DHX15: variants seen among roughly 807,000 people sequenced by gnomAD.
DHX15 encodes DEAH-box helicase 15.
Under a neutral mutation model 94.4 loss-of-function variants are expected in DHX15, and 11 were observed. That is an observed-to-expected ratio of 0.12 (90% CI 0.07 to 0.19). The LOEUF (loss-of-function observed/expected upper bound fraction) is 0.19, where lower values mean the gene tolerates loss of function less well. Ranked by LOEUF, DHX15 falls within the 10% of genes least tolerant of loss-of-function variation. The pLI is 1.00. For synonymous variants in DHX15, 338 were observed against 329.9 expected (o/e 1.02, Z -0.27); for missense variants, 304 against 988.5 (o/e 0.31, Z 9.29).
intron 3 of DHX15, among the ~76,000 whole-genome samples, chr4:24,565,328 G>A (rs376185320): frequency 1.4e-4 from 21 of 152,174 alleles, no homozygotes; most frequent in African/African-American, 4.8e-4. Flanking sequence ...TACTTCTAGG[G>A]TGACCACAGT....
chr4:24,535,813 A>G (rs2109393421), intron 11 of DHX15, among the ~76,000 whole-genome samples: 1 of 152,328 alleles, frequency 6.6e-6, no homozygotes, highest in East Asian at 1.9e-4. Context: ...TGCCAAAGTC[A>G]ACAGGCTCCC....
At chr4:24,547,286 GATCAGTCCTCAGAGTGAGCCC>G (rs1164323131) in intron 6 of DHX15, among the ~76,000 whole-genome samples, 2 of 152,350 alleles carry the variant, frequency 1.3e-5, no homozygotes, top group Non-Finnish European at 2.9e-5. Flanking sequence ...ATAAGCTCAT[GATCAGTCCTCAGAGTGAGCCC>G]ATCACCAGCT....
intron 12 of DHX15, among the ~76,000 whole-genome samples, chr4:24,531,149 C>T (rs1005758534): frequency 4.0e-5 from 6 of 150,496 alleles, no homozygotes; most frequent in Non-Finnish European, 8.8e-5. Flanking sequence ...AGTGCAGTGG[C>T]GCTATCTCGG....
At chr4:24,553,827 T>C (rs371586274) in intron 5 of DHX15, among the ~76,000 whole-genome samples, 1 of 152,262 alleles carries the variant, frequency 6.6e-6, no homozygotes, top group Non-Finnish European at 1.5e-5. Flanking sequence ...TAAAAGGCTT[T>C]TTAAAACTTT....
At chr4:24,554,213 G>A (rs747874329) in intron 5 of DHX15, among the ~76,000 whole-genome samples, 8 of 151,322 alleles carry the variant, frequency 5.3e-5, no homozygotes, top group Admixed American at 2.0e-4. Flanking sequence ...GCAAGACTCC[G>A]TCTCGAAAAA....
At chr4:24,566,713 C>CAT (rs1292418516) in intron 3 of DHX15, among the ~76,000 whole-genome samples, 6 of 152,146 alleles carry the variant, frequency 3.9e-5, no homozygotes, top group Admixed American at 3.9e-4. Flanking sequence ...GTAATCTCAG[C>CAT]TACTCGGGAG....
At chr4:24,533,125 A>G in intron 11 of DHX15, 71 bp from the exon 12 acceptor site, 1 of 1,304,166 alleles carries the variant, frequency 7.7e-7, no homozygotes, top group Non-Finnish European at 1.1e-6. Flanking sequence ...CTCTAATTAA[A>G]AAAATTGTTA....
Position 24,556,293 on chromosome 4 carries a change from C to T in DHX15, c.819G>A (p.Met273Ile). The change falls in exon 4 of 14, where the codon ATG (methionine) becomes ATA (isoleucine). Residue 273 changes from methionine (M) to isoleucine (I), a missense_variant. Transcript: ENST00000336812. ...HERTLATDIL[M>I]GVLKEVVRQR... Reference sequence around the variant, plus strand: ...GTCTTACAACTTCCTTCAGAACACCCATTAGAATATCTGTAGCCAGTGTCC... The same window carrying T: ...GTCTTACAACTTCCTTCAGAACACCTATTAGAATATCTGTAGCCAGTGTCC... The T allele has an allele frequency of 6.2e-7, 1 of 1,613,728 alleles. No individual in the cohort carries two copies. Among genetic ancestry groups the T allele is most frequent in the Non-Finnish European group, 8.5e-7 (1 of 1,179,756 alleles).
At chr4:24,562,982 T>A (rs533617917) in intron 3 of DHX15, among the ~76,000 whole-genome samples, 1 of 152,118 alleles carries the variant, frequency 6.6e-6, no homozygotes, top group Non-Finnish European at 1.5e-5. Flanking sequence ...AGCTTTAGAA[T>A]TAAATGGAAT....
chr4:24,543,136 ATAAAC>A, intron 6 of DHX15, 110 bp from the exon 7 acceptor site: 2 of 683,504 alleles, frequency 2.9e-6, no homozygotes, highest in Non-Finnish European at 4.8e-6. Flanking sequence ...AAGCCAGCAA[ATAAAC>A]TAGAAATATC....
intron 3 of DHX15, among the ~76,000 whole-genome samples, chr4:24,563,008 C>T (rs1363822366): frequency 6.6e-6 from 1 of 151,952 alleles, no homozygotes; most frequent in Non-Finnish European, 1.5e-5. Flanking sequence ...ACAAATGAAC[C>T]CATACTCAAC....
intron 5 of DHX15, among the ~76,000 whole-genome samples, chr4:24,553,956 C>T (rs1048197847): frequency 7.9e-5 from 12 of 152,254 alleles, no homozygotes; most frequent in Admixed American, 3.3e-4. Flanking sequence ...CGATGGCTCA[C>T]GCCTGTAATC....
In DHX15 at chr4:24,576,380, T is replaced by C. The variant is rs1241460170; in HGVS notation, c.370A>G (p.Thr124Ala). The change falls in exon 2 of 14, where the codon ACT (threonine) becomes GCT (alanine). Residue 124 changes from threonine to alanine, a missense_variant. Thr to Ala is a moderately conservative substitution (Grantham distance 58). Coordinates refer to ENST00000336812, the MANE Select transcript of DHX15 (RefSeq NM_001358.3). ...TTTAGAATATCATAGTATCGAGGAG[T>C]ATGGGGTAAGTTGGTGAACGGATTA... The part of the protein sequence containing the change: ...CINPFTNLPH[T>A]PRYYDILKKR... 8 of 1,613,230 alleles carry C rather than the reference T, an allele frequency of 5.0e-6. No homozygotes were observed. The highest frequency in any genetic ancestry group is 6.8e-6 in the Non-Finnish European group (8 of 1,179,872).
intron 2 of DHX15, among the ~76,000 whole-genome samples, chr4:24,574,129 C>A (rs1467714260): frequency 2.1e-5 from 3 of 143,368 alleles, no homozygotes; most frequent in Non-Finnish European, 4.5e-5. Flanking sequence ...TCACTTGAAC[C>A]CAGGAGGAGG....
intron 5 of DHX15, among the ~76,000 whole-genome samples, chr4:24,550,703 G>T (rs1721583035): frequency 6.6e-6 from 1 of 152,122 alleles, no homozygotes; most frequent in Non-Finnish European, 1.5e-5. Context: ...AACACCTCCT[G>T]AAGGACCTGC....
At chr4:24,577,336 ATT>A (rs765449273) in intron 1 of DHX15, among the ~76,000 whole-genome samples, 17 of 152,310 alleles carry the variant, frequency 1.1e-4, no homozygotes, top group African/African-American at 3.1e-4. Flanking sequence ...GGACTGCAGA[ATT>A]TGTTTTCTTA....
At chr4:24,547,937 A>ATATATATCTATATCTATATC in intron 6 of DHX15, among the ~76,000 whole-genome samples, 1 of 34,020 alleles carries the variant, frequency 2.9e-5, no homozygotes, top group African/African-American at 1.0e-4. Flanking sequence ...ATATATATAT[A>ATATATATCTATATCTATATC]TATATCTATA....
rs1252264880 is a variant in DHX15, at chr4:24,554,761, T to C, written c.1044A>G (p.Glu348=). Residue 348 remains glutamate (E), a synonymous_variant, in exon 5 of 14, where the codon GAA becomes GAG. Coordinates refer to ENST00000336812, the MANE Select transcript of DHX15 (RefSeq NM_001358.3). ...TVIQIHMCEE[E]EGDLLLFLTG... ...TTAAGAAAAGAAGAAGATCTCCCTC[T>C]TCCTCTTCACACATATGAATCTGGA... is the stretch of plus-strand genomic sequence containing the variant. 2 of 1,613,642 alleles carry C rather than the reference T, an allele frequency of 1.2e-6. No individual in the cohort carries two copies. Among genetic ancestry groups the C allele is most frequent in the Non-Finnish European group, 8.5e-7 (1 of 1,179,848 alleles).
chr4:24,566,213 T>A (rs1020708364), intron 3 of DHX15, among the ~76,000 whole-genome samples: 12 of 152,036 alleles, frequency 7.9e-5, no homozygotes, highest in East Asian at 3.9e-4. Flanking sequence ...CTCATTTTTT[T>A]AATATATAAA....
Sources: allele counts gnomAD v4.1 joint callset (sites outside exome capture counted in the v4.1 genomes callset), GRCh38; gene constraint gnomAD v4.1.1; transcripts MANE v1.5; gene names NCBI Gene and HGNC (gene_info 2026-07-23, HGNC 2026-07-21).